The following CSMD1 variants were observed in gnomAD, a reference collection of about 807,000 sequenced individuals.
CSMD1 encodes CUB and sushi domain-containing protein 1.
CSMD1 carries 213 observed loss-of-function variants against 417.5 expected under a neutral mutation model. The ratio of observed to expected loss-of-function variants is 0.51; its 90% CI spans 0.46 to 0.57. The LOEUF (loss-of-function observed/expected upper bound fraction) is 0.57. Among genes scored for constraint, CSMD1 ranks in the 20% least tolerant of loss-of-function variants. The pLI is 0.00. For synonymous variants in CSMD1, 2,862 were observed against 1,736.8 expected, an observed-to-expected ratio of 1.65 and a Z score of -16.11; for missense variants, 6,923 against 4,529.7, an observed-to-expected ratio of 1.53 and a Z score of -15.17.
chr8:4,469,808 G>T (rs1316420059), intron 2 of CSMD1, among the ~76,000 whole-genome samples: 1 of 151,990 alleles, frequency 6.6e-6, no homozygotes, highest in Admixed American at 6.6e-5. Flanking sequence ...CCTTCTCACG[G>T]AGGGAACCCA....
intron 3 of CSMD1, among the ~76,000 whole-genome samples, chr8:4,383,428 A>G (rs1194629270): frequency 2.0e-5 from 3 of 152,186 alleles, no homozygotes; most frequent in Non-Finnish European, 1.5e-5. Flanking sequence ...CGTTAAGTCC[A>G]GCCAGATACC....
chr8:3,878,560 T>A (rs180803144), intron 5 of CSMD1, among the ~76,000 whole-genome samples: 1 of 152,172 alleles, frequency 6.6e-6, no homozygotes, highest in Non-Finnish European at 1.5e-5. Context: ...ATAGGAAGTA[T>A]AGAAAAAATT....
At chr8:4,151,084 G>C (rs759690716) in intron 3 of CSMD1, among the ~76,000 whole-genome samples, 4 of 152,120 alleles carry the variant, frequency 2.6e-5, no homozygotes, top group African/African-American at 4.8e-5. Flanking sequence ...TGGTGCCAGG[G>C]TGCAACTTGC....
chr8:3,993,297 G>A (rs1814902189), intron 5 of CSMD1, among the ~76,000 whole-genome samples: 1 of 152,138 alleles, frequency 6.6e-6, no homozygotes, highest in Admixed American at 6.5e-5. Context: ...TAATTTTGGG[G>A]CACGTGAGAG....
intron 23 of CSMD1, among the ~76,000 whole-genome samples, chr8:3,318,612 T>C (rs761065561): frequency 6.6e-6 from 1 of 152,220 alleles, no homozygotes; most frequent in Non-Finnish European, 1.5e-5. Context: ...TGTGTTTCAA[T>C]GTATAAGCAT....
chr8:4,171,391 A>G (rs577445389), intron 3 of CSMD1, among the ~76,000 whole-genome samples: 3 of 151,970 alleles, frequency 2.0e-5, no homozygotes, highest in South Asian at 2.1e-4. Context: ...TATGGTATTT[A>G]TTGTGAATAT....
chr8:4,959,313 C>G (rs1168506288), intron 1 of CSMD1, among the ~76,000 whole-genome samples: 1 of 152,166 alleles, frequency 6.6e-6, no homozygotes, highest in Non-Finnish European at 1.5e-5. Flanking sequence ...GTAGGAATTT[C>G]TGGGACCTTC....
rs183853237 is a variant in CSMD1, at chr8:4,499,423, C to A, written c.303-79358G>T. Among the ~76,000 whole-genome samples, 3 of 152,294 alleles carry A rather than the reference C, an allele frequency of 2.0e-5. No individual in the cohort carries two copies. In the East Asian group the frequency reaches 5.8e-4, roughly 29 times the overall value. On this transcript the variant is annotated intron_variant, in intron 2 of 69. Coordinates refer to ENST00000635120, the MANE Select transcript of CSMD1 (RefSeq NM_033225.6). Reference sequence around the variant, plus strand: ...TCTTATTACTTTATTGAGGCATGCACACATCTGACAGACGAAACTGCTCTT... The same window carrying A: ...TCTTATTACTTTATTGAGGCATGCAAACATCTGACAGACGAAACTGCTCTT...
At chr8:3,269,477 C>G (rs1171204965) in intron 26 of CSMD1, among the ~76,000 whole-genome samples, 1 of 152,202 alleles carries the variant, frequency 6.6e-6, no homozygotes, top group African/African-American at 2.4e-5. Flanking sequence ...TAATAAACAA[C>G]AAATGATGTT....
chr8:3,319,840 C>T (rs1332558413), intron 23 of CSMD1, among the ~76,000 whole-genome samples: 1 of 152,112 alleles, frequency 6.6e-6, no homozygotes, highest in African/African-American at 2.4e-5. Flanking sequence ...TTGTCTAAAT[C>T]TCAGTAATGC....
chr8:4,444,835 G>A (rs1050986720), intron 2 of CSMD1, among the ~76,000 whole-genome samples: 2 of 152,118 alleles, frequency 1.3e-5, no homozygotes, highest in African/African-American at 4.8e-5. Context: ...AAGCCTTCAG[G>A]TGCAAATGAC....
intron 1 of CSMD1, among the ~76,000 whole-genome samples, chr8:4,851,062 T>C (rs1392296054): frequency 6.6e-6 from 1 of 152,032 alleles, no homozygotes; most frequent in Admixed American, 6.5e-5. Flanking sequence ...ACACATCATT[T>C]AGCATGAGGT....
At chr8:4,515,531 G>A (rs1803067626) in intron 2 of CSMD1, among the ~76,000 whole-genome samples, 1 of 152,180 alleles carries the variant, frequency 6.6e-6, no homozygotes, top group Non-Finnish European at 1.5e-5. Flanking sequence ...ACTTCATACA[G>A]TTATTCAAAA....
At chr8:3,798,179 T>C (rs1426031076) in intron 5 of CSMD1, among the ~76,000 whole-genome samples, 1 of 152,024 alleles carries the variant, frequency 6.6e-6, no homozygotes, top group Admixed American at 6.6e-5. Flanking sequence ...GATAAAACAA[T>C]TTTTAACATT....
At chr8:4,847,103 G>C (rs1362396445) in intron 1 of CSMD1, among the ~76,000 whole-genome samples, 3 of 152,116 alleles carry the variant, frequency 2.0e-5, no homozygotes, top group Admixed American at 6.5e-5. Flanking sequence ...CGTGTATCAA[G>C]CTTTGATGTG....
At chr8:3,324,541 C>A (rs1160889259) in intron 23 of CSMD1, among the ~76,000 whole-genome samples, 1 of 150,618 alleles carries the variant, frequency 6.6e-6, no homozygotes, top group Non-Finnish European at 1.5e-5. Context: ...CTTCCCCCCA[C>A]CATTCGTCAC....
intron 49 of CSMD1, among the ~76,000 whole-genome samples, chr8:3,069,944 C>G (rs543942411): frequency 1.3e-5 from 2 of 152,194 alleles, no homozygotes; most frequent in African/African-American, 2.4e-5. Context: ...TTGCATTCTG[C>G]GCACCTACAG....
chr8:4,702,887 A>C (rs1807673498), intron 1 of CSMD1, among the ~76,000 whole-genome samples: 1 of 152,188 alleles, frequency 6.6e-6, no homozygotes, highest in Non-Finnish European at 1.5e-5. Flanking sequence ...AGTCTCTAAA[A>C]AGTTAATTAT....
Position 3,137,730 on chromosome 8 carries a change from C to T in CSMD1, c.6241+4735G>A, listed in dbSNP as rs571190712. ...TTGTTATTCTGTATCGCTCAGGGAA[C>T]GATGATAAGAAAAAGAGTCTGTGCA... On this transcript the variant is annotated intron_variant, in intron 41 of 69. Transcript: ENST00000635120. Among the ~76,000 whole-genome samples the T allele has an allele frequency of 5.3e-5, 8 of 152,138 alleles. No homozygotes were observed. In the East Asian group the frequency reaches 5.8e-4, roughly 11 times the overall value.
Sources: allele counts gnomAD v4.1 joint callset (sites outside exome capture counted in the v4.1 genomes callset), GRCh38; gene constraint gnomAD v4.1.1; transcripts MANE v1.5; gene names NCBI Gene and HGNC (gene_info 2026-07-23, HGNC 2026-07-21).